STRN3: variants seen among roughly 807,000 people sequenced by gnomAD.
STRN3 encodes the protein striatin-3.
In STRN3, 29 loss-of-function variants were observed where a neutral mutation model predicts 95.6. That is an observed-to-expected ratio of 0.30 (90% CI 0.23 to 0.41). The LOEUF (loss-of-function observed/expected upper bound fraction) is 0.41. Ranked by LOEUF, STRN3 falls within the 10% of genes least tolerant of loss-of-function variation. The pLI, the probability that STRN3 is intolerant of heterozygous loss-of-function variation, is 1.00. For missense variants in STRN3, 890 were observed against 972.1 expected, an observed-to-expected ratio of 0.92 and a Z score of 1.12; for synonymous variants, 331 against 357.6, an observed-to-expected ratio of 0.93 and a Z score of 0.84.
At chr14:30,984,204 T>C (rs1450371506) in intron 1 of STRN3, among the ~76,000 whole-genome samples, 2 of 101,200 alleles carry the variant, frequency 2.0e-5, no homozygotes, top group Non-Finnish European at 3.6e-5. Flanking sequence ...AAAGTCTTGA[T>C]AATTAAAATG....
intron 1 of STRN3, among the ~76,000 whole-genome samples, chr14:31,008,319 T>A (rs568704153): frequency 6.6e-6 from 1 of 151,840 alleles, no homozygotes; most frequent in African/African-American, 2.4e-5. Context: ...GACCAGCCTA[T>A]ACATCATGGC....
intron 8 of STRN3, among the ~76,000 whole-genome samples, chr14:30,922,489 TCAAA>T (rs1479780353): frequency 6.6e-6 from 1 of 152,156 alleles, no homozygotes; most frequent in African/African-American, 2.4e-5. Context: ...CAAATTCCGC[TCAAA>T]CACACATACT....
intron 1 of STRN3, among the ~76,000 whole-genome samples, chr14:31,000,446 A>T (rs1409165316): frequency 6.6e-6 from 1 of 151,990 alleles, no homozygotes; most frequent in Non-Finnish European, 1.5e-5. Flanking sequence ...AATGGGTATT[A>T]ATCCTAACTA....
intron 3 of STRN3, among the ~76,000 whole-genome samples, chr14:30,954,398 T>C (rs1879801646): frequency 6.6e-6 from 1 of 152,200 alleles, no homozygotes; most frequent in African/African-American, 2.4e-5. Flanking sequence ...ACATTTTCTT[T>C]CTTATATTGA....
rs199918149 is a variant in STRN3, at chr14:31,013,861, A to ATT, written c.282+12041_282+12042dup. On this transcript the variant is annotated intron_variant, in intron 1 of 17. Coordinates refer to ENST00000357479, the MANE Select transcript of STRN3 (RefSeq NM_001083893.2). ...CTTCCTGCCTTGGCTTCTCAAAGCA[A>ATT]TTTTATTATTATTATTATTATTATT... Among the ~76,000 whole-genome samples the ATT allele has an allele frequency of 8.6e-3, 908 of 105,048 alleles. 13 individuals carry two copies. Among genetic ancestry groups the ATT allele is most frequent in the Non-Finnish European group, 0.012 (579 of 48,380 alleles). The allele number at this position is 105,048 out of a possible 152,430, so 68.9% of individuals were successfully genotyped here. A position where few individuals can be genotyped will look rare whatever the true frequency, so the allele number is the denominator to read the frequency against.
chr14:30,978,202 GAAGA>G (rs1033364153), intron 1 of STRN3, among the ~76,000 whole-genome samples: 20 of 152,054 alleles, frequency 1.3e-4, no homozygotes, highest in African/African-American at 4.6e-4. Flanking sequence ...AAATGTACTA[GAAGA>G]AAGGAAAACG....
At chr14:30,984,386 AGAGC>A (rs1285227371) in intron 1 of STRN3, among the ~76,000 whole-genome samples, 2 of 151,656 alleles carry the variant, frequency 1.3e-5, no homozygotes, top group Non-Finnish European at 2.9e-5. Flanking sequence ...CCTGGGCAAC[AGAGC>A]GAGACTCCAT....
intron 7 of STRN3, among the ~76,000 whole-genome samples, chr14:30,931,546 T>C (rs759256811): frequency 2.0e-5 from 3 of 152,196 alleles, no homozygotes; most frequent in Non-Finnish European, 4.4e-5. Context: ...TTTATGCAAA[T>C]ACTCATACTT....
intron 1 of STRN3, among the ~76,000 whole-genome samples, chr14:30,972,205 C>T (rs1880867094): frequency 6.6e-6 from 1 of 152,176 alleles, no homozygotes; most frequent in African/African-American, 2.4e-5. Context: ...CCCTGACTCA[C>T]CTGCTCCAAT....
At chr14:30,989,955 T>C (rs1881873911) in intron 1 of STRN3, among the ~76,000 whole-genome samples, 1 of 151,348 alleles carries the variant, frequency 6.6e-6, no homozygotes, top group African/African-American at 2.4e-5. Context: ...ATCAAAAAAA[T>C]GGAAGGCTCA....
Position 30,911,803 on chromosome 14 carries a change from C to CT in STRN3, c.1571dup (p.Pro525AlafsTer6). The CT allele has an allele frequency of 6.2e-7, 1 of 1,606,462 alleles. No homozygotes were observed. The highest frequency in any genetic ancestry group is 8.5e-7 in the Non-Finnish European group (1 of 1,177,458). On this transcript the variant is annotated frameshift_variant, in exon 12 of 18. Transcript: ENST00000357479. LOFTEE classifies it high-confidence loss of function. ...TGTGGGCCCTAAATGTGTAGATAGGCTCTACATCTAAAGAGGCACTCCTAA... is the reference window on the plus strand; with the variant it reads ...TGTGGGCCCTAAATGTGTAGATAGGCTTCTACATCTAAAGAGGCACTCCTAA...
chr14:30,943,577 G>A (rs945435231), intron 5 of STRN3, among the ~76,000 whole-genome samples: 5 of 152,118 alleles, frequency 3.3e-5, no homozygotes, highest in Non-Finnish European at 5.9e-5. Flanking sequence ...TCCAGCCTGG[G>A]CAACAGGGCA....
chr14:30,951,869 G>A lies in STRN3; in HGVS notation c.461-925C>T, dbSNP rs1215901868. On this transcript the variant is annotated intron_variant, in intron 3 of 17. Transcript: ENST00000357479. ...GCAATGGCTCACGCCTGTAATCCCAGGACTTTGGGAGGCTGAGGTGGGCAG... is the reference window on the plus strand; with the variant it reads ...GCAATGGCTCACGCCTGTAATCCCAAGACTTTGGGAGGCTGAGGTGGGCAG... 4.6e-5 allele frequency among the ~76,000 whole-genome samples: 7 copies of A among 152,160 alleles called. No individual in the cohort carries two copies. The South Asian group carries it at 6.2e-4, about 14-fold the overall frequency.
intron 5 of STRN3, among the ~76,000 whole-genome samples, chr14:30,937,274 C>T (rs1369535821): frequency 6.6e-6 from 1 of 152,114 alleles, no homozygotes; most frequent in Non-Finnish European, 1.5e-5. Context: ...TGACTATATA[C>T]TGCATTCCAG....
At chr14:30,960,300 T>C (rs1483464749) in intron 1 of STRN3, among the ~76,000 whole-genome samples, 1 of 152,156 alleles carries the variant, frequency 6.6e-6, no homozygotes, top group Non-Finnish European at 1.5e-5. Context: ...ATCAGGCCAC[T>C]GCACTCCAAC....
chr14:30,966,798 A>T (rs1461744689), intron 1 of STRN3, among the ~76,000 whole-genome samples: 1 of 152,158 alleles, frequency 6.6e-6, no homozygotes, highest in Non-Finnish European at 1.5e-5. Flanking sequence ...TAGCTACCTC[A>T]TATGGCTTAG....
chr14:31,002,791 TA>T (rs1346629398), intron 1 of STRN3, among the ~76,000 whole-genome samples: 1 of 151,912 alleles, frequency 6.6e-6, no homozygotes, highest in East Asian at 1.9e-4. Context: ...GTAGTCAAAA[TA>T]ATAGAGACAG....
Position 30,980,362 on chromosome 14 carries a change from C to CT in STRN3, c.283-24121dup, listed in dbSNP as rs1223990898. ...CAACTTTGATTCTGCTGGTAGTGAACTAAAAAGTTCAACTACTATTCTGCA... is the reference window on the plus strand; with the variant it reads ...CAACTTTGATTCTGCTGGTAGTGAACTTAAAAAGTTCAACTACTATTCTGCA... On this transcript the variant is annotated intron_variant, in intron 1 of 17. Coordinates refer to ENST00000357479, the MANE Select transcript of STRN3 (RefSeq NM_001083893.2). Among the ~76,000 whole-genome samples the CT allele has an allele frequency of 2.0e-5, 3 of 152,248 alleles. No individual in the cohort carries two copies. The East Asian group carries it at 5.8e-4, about 29-fold the overall frequency.
At chr14:31,000,662 T>C (rs1410555401) in intron 1 of STRN3, among the ~76,000 whole-genome samples, 1 of 152,154 alleles carries the variant, frequency 6.6e-6, no homozygotes, top group African/African-American at 2.4e-5. Flanking sequence ...TAAATAATAA[T>C]GTTACACGTC....
Sources: gnomAD v4.1 joint callset for allele counts (sites outside exome capture counted in the v4.1 genomes callset) on GRCh38, gnomAD v4.1.1 for gene constraint, MANE v1.5 for transcripts, NCBI Gene and HGNC (gene_info 2026-07-23, HGNC 2026-07-21) for gene names.